The following EPHA6 variants were observed in gnomAD, a reference collection of about 807,000 sequenced individuals.
The protein encoded by EPHA6 is EPH receptor A6.
In EPHA6, 50 loss-of-function variants were observed where a neutral mutation model predicts 112.0. The observed-to-expected ratio is 0.45, with a 90% CI of 0.36 to 0.56. The LOEUF (loss-of-function observed/expected upper bound fraction) is 0.56, where lower values mean the gene tolerates loss of function less well. Among genes scored for constraint, EPHA6 ranks in the 20% least tolerant of loss-of-function variants. The pLI is 0.00. For synonymous variants in EPHA6, 529 were observed against 490.7 expected, an observed-to-expected ratio of 1.08 and a Z score of -1.03; for missense variants, 1,280 against 1,417.4, an observed-to-expected ratio of 0.90 and a Z score of 1.56.
intron 2 of EPHA6, among the ~76,000 whole-genome samples, chr3:96,931,018 A>AAAAGAAAG (rs1553733278): frequency 7.1e-5 from 6 of 84,562 alleles, no homozygotes; most frequent in Admixed American, 2.6e-4. Context: ...AAAAAAAAAA[A>AAAAGAAAG]AAAGAAAAGC....
intron 5 of EPHA6, among the ~76,000 whole-genome samples, chr3:97,309,898 T>G (rs2081477073): frequency 6.6e-6 from 1 of 151,726 alleles, no homozygotes; most frequent in Admixed American, 6.6e-5. Flanking sequence ...AGTTGTTGAC[T>G]TAACTGTTTA....
intron 11 of EPHA6, among the ~76,000 whole-genome samples, chr3:97,543,011 A>G (rs1165422695): frequency 6.6e-6 from 1 of 152,068 alleles, no homozygotes. Flanking sequence ...TGTCAGATGA[A>G]TAGATTGCAA....
At chr3:96,941,644 A>G (rs1254998486) in intron 2 of EPHA6, among the ~76,000 whole-genome samples, 2 of 152,214 alleles carry the variant, frequency 1.3e-5, no homozygotes, top group African/African-American at 2.4e-5. Context: ...CTGGTGAGGA[A>G]CTGCGTTCCT....
At chr3:97,201,569 A>G (rs1473586030) in intron 3 of EPHA6, among the ~76,000 whole-genome samples, 1 of 152,014 alleles carries the variant, frequency 6.6e-6, no homozygotes, top group Non-Finnish European at 1.5e-5. Context: ...ATTAAAGTGA[A>G]CATCTCTACA....
intron 5 of EPHA6, among the ~76,000 whole-genome samples, chr3:97,261,014 T>C (rs2079482694): frequency 6.6e-6 from 1 of 152,188 alleles, no homozygotes; most frequent in Non-Finnish European, 1.5e-5. Context: ...GTGTGACAAA[T>C]TAGGCAGGAA....
chr3:96,863,362 G>A (rs1348519118), intron 1 of EPHA6, among the ~76,000 whole-genome samples: 1 of 151,916 alleles, frequency 6.6e-6, no homozygotes, highest in Admixed American at 6.6e-5. Context: ...AACGTAATTA[G>A]TGTGCCTGAA....
chr3:96,890,945 G>A (rs2037922753), intron 2 of EPHA6, among the ~76,000 whole-genome samples: 1 of 152,126 alleles, frequency 6.6e-6, no homozygotes, highest in South Asian at 2.1e-4. Context: ...AAATCAGCGA[G>A]GCATGGTGGC....
intron 5 of EPHA6, among the ~76,000 whole-genome samples, chr3:97,288,922 G>A (rs1359998176): frequency 1.9e-5 from 2 of 104,150 alleles, no homozygotes; most frequent in African/African-American, 7.0e-5. Context: ...TTTTTAATGG[G>A]GATTTTTTTT....
intron 14 of EPHA6, among the ~76,000 whole-genome samples, chr3:97,673,448 G>T (rs377077582): frequency 6.6e-6 from 1 of 152,150 alleles, no homozygotes; most frequent in Non-Finnish European, 1.5e-5. Flanking sequence ...TGGAAGATGA[G>T]GTGAATTCAC....
intron 2 of EPHA6, among the ~76,000 whole-genome samples, chr3:96,952,311 G>A (rs1231414286): frequency 6.6e-6 from 1 of 152,164 alleles, no homozygotes; most frequent in East Asian, 1.9e-4. Flanking sequence ...ATGTTGCAAT[G>A]TAATTGCCAA....
At chr3:97,647,393 A>C (rs1264447650) in intron 14 of EPHA6, among the ~76,000 whole-genome samples, 2 of 152,154 alleles carry the variant, frequency 1.3e-5, no homozygotes, top group East Asian at 3.9e-4. Flanking sequence ...TATAGTATGT[A>C]AGCCCTGAAC....
chr3:97,025,570 G>A (rs1248897960), intron 3 of EPHA6, among the ~76,000 whole-genome samples: 2 of 152,032 alleles, frequency 1.3e-5, no homozygotes, highest in African/African-American at 4.8e-5. Flanking sequence ...TGTCCTCAGT[G>A]GTATTTATGG....
intron 15 of EPHA6, among the ~76,000 whole-genome samples, chr3:97,735,408 A>G (rs1171360887): frequency 6.6e-6 from 1 of 152,084 alleles, no homozygotes; most frequent in Admixed American, 6.6e-5. Context: ...AGCTAAATGT[A>G]AGAGAATAGA....
chr3:97,386,175 A>G (rs1435126770), intron 5 of EPHA6, among the ~76,000 whole-genome samples: 1 of 152,170 alleles, frequency 6.6e-6, no homozygotes, highest in Non-Finnish European at 1.5e-5. Context: ...TATGAGCCTG[A>G]GAAATAAAAA....
At position 97,097,526 on chromosome 3, in the gene EPHA6, G is replaced by T. The variant is rs151173669; in HGVS notation, c.1114+109533G>T. Among the ~76,000 whole-genome samples, 111 of 151,648 alleles carry T rather than the reference G, an allele frequency of 7.3e-4. 3 individuals carry two copies. In the East Asian group the frequency reaches 0.02, roughly 28 times the overall value. ...AAGTTGTAGCTGAATGACCCTTTCA[G>T]TGAAGATAAAATCACATTGGTTCTT... On this transcript the variant is annotated intron_variant, in intron 3 of 17. Coordinates refer to ENST00000389672, the MANE Select transcript of EPHA6 (RefSeq NM_001080448.3).
At position 96,814,778 on chromosome 3, in the gene EPHA6, G is replaced by T. The variant is rs1576030734; in HGVS notation, c.155G>T (p.Gly52Val). The change falls in exon 1 of 18, where the codon GGC becomes GTC. Residue 52 changes from glycine to valine, a missense_variant. By Grantham distance (109) the Gly-to-Val change is moderately radical. Around this residue, in one of 4 missense-constraint regions of EPHA6, gnomAD observed 220 missense variants for 171.5 expected, o/e 1.28. Coordinates refer to ENST00000389672, the MANE Select transcript of EPHA6 (RefSeq NM_001080448.3). ...GGGCGCCCCGGGACACCCCCTGCGGGCCGGGTGGAGGAGGAAGAGGAGGAG... is the reference window on the plus strand; with the variant it reads ...GGGCGCCCCGGGACACCCCCTGCGGTCCGGGTGGAGGAGGAAGAGGAGGAG... The part of the protein sequence containing the change: ...RRGRPGTPPA[G>V]RVEEEEEEEE... The T allele has an allele frequency of 1.2e-6, 2 of 1,602,548 alleles. No homozygotes were observed. The highest frequency in any genetic ancestry group is 2.3e-5 in the East Asian group (1 of 44,382).
intron 3 of EPHA6, among the ~76,000 whole-genome samples, chr3:97,001,017 G>GATATATATATCTATATATATATATATAT (rs2043636829): frequency 8.7e-6 from 1 of 114,538 alleles, no homozygotes; most frequent in Non-Finnish European, 1.8e-5. Context: ...GTCAGAAATT[G>GATATATATATCTATATATATATATATAT]ATATATATAT....
intron 2 of EPHA6, among the ~76,000 whole-genome samples, chr3:96,887,662 A>G (rs1426287063): frequency 6.6e-6 from 1 of 152,116 alleles, no homozygotes; most frequent in Non-Finnish European, 1.5e-5. Flanking sequence ...TCCCAGGATT[A>G]TATGCCCTTT....
chr3:96,864,947 T>C (rs2036221547), intron 1 of EPHA6, among the ~76,000 whole-genome samples: 1 of 151,990 alleles, frequency 6.6e-6, no homozygotes, highest in South Asian at 2.1e-4. Context: ...TTTATACAGG[T>C]GAAATGATAA....
Sources: allele counts gnomAD v4.1 joint callset (sites outside exome capture counted in the v4.1 genomes callset), GRCh38; gene constraint gnomAD v4.1.1; regional missense constraint gnomAD v4.1.1; transcripts MANE v1.5; gene names NCBI Gene and HGNC (gene_info 2026-07-23, HGNC 2026-07-21).